CADPS2: variants seen among roughly 807,000 people sequenced by gnomAD.
CADPS2 encodes the protein calcium-dependent secretion activator 2.
A neutral mutation model predicts 172.5 loss-of-function variants in CADPS2; 93 were observed. The ratio of observed to expected loss-of-function variants is 0.54; its 90% CI spans 0.46 to 0.64. The LOEUF (loss-of-function observed/expected upper bound fraction) is 0.64, where lower values mean the gene tolerates loss of function less well. Ranked by LOEUF, CADPS2 falls within the 30% of genes least tolerant of loss-of-function variation. The pLI, the probability that CADPS2 is intolerant of heterozygous loss-of-function variation, is 0.00. For missense variants in CADPS2, 1,420 were observed against 1,565.9 expected (o/e 0.91, Z 1.57); for synonymous variants, 546 against 555.2 (o/e 0.98, Z 0.23).
intron 12 of CADPS2, among the ~76,000 whole-genome samples, 178 bp downstream of exon 12, chr7:122,480,674 C>G (rs2057182006): frequency 6.6e-6 from 1 of 152,054 alleles, no homozygotes; most frequent in South Asian, 2.1e-4. Context: ...GTTGTTTCTA[C>G]TTTTTTTGTT....
chr7:122,534,956 C>A (rs1273294722), intron 8 of CADPS2, among the ~76,000 whole-genome samples: 1 of 152,046 alleles, frequency 6.6e-6, no homozygotes, highest in Non-Finnish European at 1.5e-5. Context: ...AAAATGGTGA[C>A]TCATGGACCA....
Position 122,761,996 on chromosome 7 carries a change from C to CA in CADPS2, c.340-24929dup, listed in dbSNP as rs1163039605. Among the ~76,000 whole-genome samples, 317 of 67,510 alleles carry CA rather than the reference C, an allele frequency of 4.7e-3. 4 individuals are homozygous for CA. The highest frequency in any genetic ancestry group is 0.012 in the African/African-American group (214 of 18,166). The allele number at this position is 67,510 out of a possible 152,430, so 44.3% of individuals were successfully genotyped here. On this transcript the variant is annotated intron_variant, in intron 1 of 29. Transcript: ENST00000449022. The stretch of plus-strand genomic sequence containing the variant: ...CTGGGTGAAAAGTGAGACTCTGCCT[C>CA]AAAAAAAAAAAAAAAAAATATATAT...
intron 1 of CADPS2, among the ~76,000 whole-genome samples, chr7:122,824,428 GC>G (rs1804290304): frequency 6.6e-6 from 1 of 152,180 alleles, no homozygotes. Context: ...AGCTCTGCCA[GC>G]AACAAATATT....
intron 1 of CADPS2, among the ~76,000 whole-genome samples, chr7:122,794,461 C>T (rs1374936956): frequency 1.3e-5 from 2 of 152,002 alleles, no homozygotes; most frequent in East Asian, 1.9e-4. Context: ...AAGTTGTTTA[C>T]ATTCTTTTCT....
intron 28 of CADPS2, chr7:122,332,080 C>T (rs1322680402): frequency 6.6e-6 from 1 of 152,084 alleles, no homozygotes; most frequent in Non-Finnish European, 1.5e-5. Flanking sequence ...TCCAAAAAAG[C>T]CCATTCAATT....
At chr7:122,690,668 CTA>C (rs1213899131) in intron 2 of CADPS2, among the ~76,000 whole-genome samples, 4 of 151,738 alleles carry the variant, frequency 2.6e-5, no homozygotes, top group Non-Finnish European at 4.4e-5. Flanking sequence ...TGGCCTGGCC[CTA>C]TGTGGGTTGG....
rs202059753 is a variant in CADPS2 at position 122,615,161 on chromosome 7, A to G, written c.1223+20T>C. On this transcript the variant is annotated intron_variant, in intron 6 of 29. Transcript: ENST00000449022. ...AAAAAACAAACAACAACAATAATAC[A>G]CTTTTTTCAACTGGCTTACTGTGGC... The G allele has an allele frequency of 8.8e-5, 123 of 1,401,928 alleles. No homozygotes were observed. Among genetic ancestry groups the G allele is most frequent in the Non-Finnish European group, 1.1e-4 (115 of 1,022,256 alleles). The allele number at this position is 1,401,928 out of a possible 1,614,324, so 86.8% of individuals were successfully genotyped here.
chr7:122,538,680 T>C (rs1261738135), intron 8 of CADPS2, among the ~76,000 whole-genome samples: 1 of 151,936 alleles, frequency 6.6e-6, no homozygotes, highest in Non-Finnish European at 1.5e-5. Flanking sequence ...GATAGGAAAG[T>C]ACACTGTAAG....
chr7:122,827,436 C>T (rs986024794), intron 1 of CADPS2, among the ~76,000 whole-genome samples: 7 of 152,064 alleles, frequency 4.6e-5, no homozygotes, highest in African/African-American at 1.7e-4. Flanking sequence ...AGTTTGCGAC[C>T]AGCCTGACCA....
At chr7:122,378,068 T>C (rs1378029991) in intron 25 of CADPS2, among the ~76,000 whole-genome samples, 2 of 152,182 alleles carry the variant, frequency 1.3e-5, no homozygotes, top group African/African-American at 4.8e-5. Context: ...CACTTTTAAA[T>C]ATTCAGCTGT....
At chr7:122,750,543 G>C (rs2092908257) in intron 1 of CADPS2, among the ~76,000 whole-genome samples, 1 of 152,012 alleles carries the variant, frequency 6.6e-6, no homozygotes, top group Non-Finnish European at 1.5e-5. Context: ...CCTGGCTCCA[G>C]TCAGCTCCAA....
intron 6 of CADPS2, among the ~76,000 whole-genome samples, chr7:122,598,568 G>C (rs2072258329): frequency 6.6e-6 from 1 of 152,022 alleles, no homozygotes; most frequent in Non-Finnish European, 1.5e-5. Context: ...GTGGAAATTA[G>C]GGTGACAACT....
At chr7:122,448,986 C>T (rs1004540761) in intron 15 of CADPS2, among the ~76,000 whole-genome samples, 1 of 151,950 alleles carries the variant, frequency 6.6e-6, no homozygotes, top group Non-Finnish European at 1.5e-5. Flanking sequence ...GAAGCTATCC[C>T]ATGAAAGAGA....
At chr7:122,481,907 TTACTTGGGAGGC>T (rs1404260257) in intron 11 of CADPS2, among the ~76,000 whole-genome samples, 2 of 151,596 alleles carry the variant, frequency 1.3e-5, no homozygotes, top group African/African-American at 4.8e-5. Context: ...GCTGCTGAGA[TTACTTGGGAGGC>T]TACTTGGGAG....
intron 7 of CADPS2, among the ~76,000 whole-genome samples, chr7:122,561,886 T>C (rs547569707): frequency 2.0e-5 from 3 of 152,142 alleles, no homozygotes; most frequent in Non-Finnish European, 4.4e-5. Context: ...AAGTATTTGT[T>C]GGTTGGATGA....
intron 8 of CADPS2, among the ~76,000 whole-genome samples, chr7:122,540,772 G>C (rs2062831684): frequency 6.6e-6 from 1 of 151,978 alleles, no homozygotes; most frequent in East Asian, 1.9e-4. Context: ...TCCTTGTCTA[G>C]TAATTTTTCA....
chr7:122,501,631 C>T (rs1290984033), intron 9 of CADPS2, among the ~76,000 whole-genome samples: 5 of 151,950 alleles, frequency 3.3e-5, no homozygotes, highest in Admixed American at 2.0e-4. Context: ...AGGCAGATCA[C>T]GAGATCAGGA....
intron 8 of CADPS2, among the ~76,000 whole-genome samples, chr7:122,522,032 C>G (rs750692062): frequency 6.6e-6 from 1 of 152,160 alleles, no homozygotes; most frequent in Non-Finnish European, 1.5e-5. Context: ...AAACCCCATT[C>G]CACCCTCAGA....
chr7:122,582,339 T>C (rs937869015), intron 6 of CADPS2, among the ~76,000 whole-genome samples: 7 of 152,134 alleles, frequency 4.6e-5, no homozygotes, highest in Non-Finnish European at 5.9e-5. Flanking sequence ...TGTGATTGCC[T>C]TCCTCTCCTA....
Sources: gnomAD v4.1 joint callset for allele counts (sites outside exome capture counted in the v4.1 genomes callset) on GRCh38, gnomAD v4.1.1 for gene constraint, MANE v1.5 for transcripts, NCBI Gene and HGNC (gene_info 2026-07-23, HGNC 2026-07-21) for gene names.